The following GMDS variants were observed in gnomAD, a reference collection of about 807,000 sequenced individuals.
GMDS encodes the protein GDP-mannose 4,6-dehydratase.
In GMDS, 20 loss-of-function variants were observed where a neutral mutation model predicts 49.9. The ratio of observed to expected loss-of-function variants is 0.40; its 90% CI spans 0.28 to 0.58. GMDS has a LOEUF of 0.58. GMDS is among the 20% of genes least tolerant of loss of function. The pLI, the probability that GMDS is intolerant of heterozygous loss-of-function variation, is 0.42. For synonymous variants in GMDS, 177 were observed against 178.6 expected (o/e 0.99, Z 0.07); for missense variants, 362 against 481.4 (o/e 0.75, Z 2.32).
intron 7 of GMDS, among the ~76,000 whole-genome samples, chr6:1,864,021 G>T (rs1057322116): frequency 2.9e-4 from 44 of 152,066 alleles, no homozygotes; most frequent in Non-Finnish European, 5.3e-4. Context: ...TCTAAGAGGG[G>T]TGGGTCATAA....
At chr6:1,955,163 A>G (rs1763562882) in intron 6 of GMDS, among the ~76,000 whole-genome samples, 1 of 152,208 alleles carries the variant, frequency 6.6e-6, no homozygotes, top group South Asian at 2.1e-4. Context: ...AGCAATATCT[A>G]CGAAGCAATA....
At chr6:2,063,407 T>G (rs1300165423) in intron 4 of GMDS, among the ~76,000 whole-genome samples, 2 of 152,214 alleles carry the variant, frequency 1.3e-5, no homozygotes, top group Admixed American at 1.3e-4. Context: ...ATTCTGTGTG[T>G]GTCCAAAAGG....
intron 6 of GMDS, among the ~76,000 whole-genome samples, chr6:1,959,285 CTGATT>C (rs1763809176): frequency 6.6e-6 from 1 of 152,136 alleles, no homozygotes; most frequent in African/African-American, 2.4e-5. Flanking sequence ...GCTAATTACT[CTGATT>C]TGATCACTAC....
intron 6 of GMDS, among the ~76,000 whole-genome samples, chr6:1,946,274 C>A (rs1382216280): frequency 6.6e-6 from 1 of 152,172 alleles, no homozygotes; most frequent in Non-Finnish European, 1.5e-5. Flanking sequence ...ACCAAAGGAG[C>A]CGCACAAGGT....
rs772209193 is a variant in GMDS at position 1,720,718 on chromosome 6, C to G, written c.987+5698G>C. On this transcript the variant is annotated intron_variant, in intron 9 of 10. Coordinates refer to ENST00000380815, the MANE Select transcript of GMDS (RefSeq NM_001500.4). ...GGCACTCATCCTTAATCTGCTCTCT[C>G]CACATCCTCTGACCCTGGCTCCCGC... Among the ~76,000 whole-genome samples the G allele has an allele frequency of 1.1e-3, 162 of 152,262 alleles. 1 individual carries two copies. Among genetic ancestry groups the G allele is most frequent in the African/African-American group, 3.8e-3 (157 of 41,538 alleles).
rs147033725 is a variant in GMDS, at chr6:1,738,594, G to C, written c.890+3874C>G. Among the ~76,000 whole-genome samples, 1,037 of 152,356 alleles carry C rather than the reference G, an allele frequency of 6.8e-3. 12 individuals are homozygous for C. The highest frequency in any genetic ancestry group is 0.055 in the East Asian group (284 of 5,192). ...CAAAAGTGAGAATGTTCCAGATGCT[G>C]ATTGGTGTGTCTGATACGGTACAGC... On this transcript the variant is annotated intron_variant, in intron 8 of 10. Transcript: ENST00000380815.
chr6:1,848,815 T>A (rs1246045706), intron 7 of GMDS, among the ~76,000 whole-genome samples: 1 of 152,060 alleles, frequency 6.6e-6, no homozygotes. Flanking sequence ...GGAGGGTGTG[T>A]GAAGTATAGT....
At chr6:1,631,969 C>T (rs1319189427) in intron 9 of GMDS, among the ~76,000 whole-genome samples, 1 of 152,200 alleles carries the variant, frequency 6.6e-6, no homozygotes, top group Non-Finnish European at 1.5e-5. Flanking sequence ...ATTCTGTTAT[C>T]ACTCATTTGG....
intron 4 of GMDS, among the ~76,000 whole-genome samples, chr6:2,059,946 T>A (rs1483228632): frequency 6.6e-6 from 1 of 151,964 alleles, no homozygotes; most frequent in Non-Finnish European, 1.5e-5. Flanking sequence ...TTGAATTTCT[T>A]TACATTTATG....
chr6:2,130,836 C>T (rs979474162), intron 1 of GMDS, among the ~76,000 whole-genome samples: 1 of 152,056 alleles, frequency 6.6e-6, no homozygotes, highest in Non-Finnish European at 1.5e-5. Context: ...AATACTTTCC[C>T]CAATGTGATA....
At chr6:1,784,913 T>C (rs980239970) in intron 7 of GMDS, among the ~76,000 whole-genome samples, 39 of 152,234 alleles carry the variant, frequency 2.6e-4, no homozygotes, top group Non-Finnish European at 1.9e-4. Flanking sequence ...ATTGAACTAC[T>C]GCACAATTAG....
intron 4 of GMDS, among the ~76,000 whole-genome samples, chr6:2,065,255 C>A (rs1012303160): frequency 2.8e-5 from 4 of 145,042 alleles, no homozygotes; most frequent in African/African-American, 9.8e-5. Context: ...AGGACATCCA[C>A]ACCAAAAACC....
chr6:2,036,562 C>T (rs906000590), intron 4 of GMDS, among the ~76,000 whole-genome samples: 37 of 152,138 alleles, frequency 2.4e-4, no homozygotes, highest in African/African-American at 8.2e-4. Flanking sequence ...AAATTCCTGG[C>T]GTTACCCATT....
intron 7 of GMDS, among the ~76,000 whole-genome samples, chr6:1,865,623 A>C (rs536517727): frequency 6.6e-6 from 1 of 152,168 alleles, no homozygotes; most frequent in African/African-American, 2.4e-5. Context: ...GCTTAGGTTA[A>C]AAAAGAAAAA....
chr6:2,164,424 T>A (rs533464045), intron 1 of GMDS, among the ~76,000 whole-genome samples: 6 of 152,226 alleles, frequency 3.9e-5, no homozygotes, highest in African/African-American at 1.2e-4. Flanking sequence ...CTGAGTAGAC[T>A]CAGCATTATC....
intron 9 of GMDS, among the ~76,000 whole-genome samples, chr6:1,644,404 A>G (rs1302199480): frequency 6.6e-6 from 1 of 152,178 alleles, no homozygotes; most frequent in African/African-American, 2.4e-5. Context: ...ATTGCCATAA[A>G]TAGGCTGCAT....
chr6:1,744,395 T>C (rs973523868), intron 7 of GMDS, among the ~76,000 whole-genome samples: 1 of 152,310 alleles, frequency 6.6e-6, no homozygotes, highest in South Asian at 2.1e-4. Context: ...TGCAATTTCA[T>C]TTTGCCTTAA....
intron 7 of GMDS, among the ~76,000 whole-genome samples, chr6:1,765,404 G>A (rs1033632734): frequency 6.6e-6 from 1 of 152,168 alleles, no homozygotes; most frequent in Non-Finnish European, 1.5e-5. Flanking sequence ...GCACTGAGAA[G>A]GCTGTGGTCT....
chr6:1,689,864 T>C (rs1464992107), intron 9 of GMDS, among the ~76,000 whole-genome samples: 2 of 152,046 alleles, frequency 1.3e-5, no homozygotes, highest in African/African-American at 2.4e-5. Flanking sequence ...TAAATGAGTA[T>C]TCACACTGGC....
Sources: allele counts gnomAD v4.1 joint callset (sites outside exome capture counted in the v4.1 genomes callset), GRCh38; gene constraint gnomAD v4.1.1; transcripts MANE v1.5; gene names NCBI Gene and HGNC (gene_info 2026-07-23, HGNC 2026-07-21).